Variants in UBE3A observed in about 807,000 individuals in gnomAD.
The protein encoded by UBE3A is ubiquitin-protein ligase E3A.
UBE3A carries 6 observed loss-of-function variants against 83.4 expected under a neutral mutation model. The ratio of observed to expected loss-of-function variants is 0.07; its 90% CI spans 0.04 to 0.14. The LOEUF is 0.14. Ranked by LOEUF, UBE3A falls within the 10% of genes least tolerant of loss-of-function variation. UBE3A has a pLI of 1.00. For missense variants in UBE3A, 456 were observed against 1,036.1 expected (o/e 0.44, Z 7.69); for synonymous variants, 337 against 355.4 (o/e 0.95, Z 0.58).
At chr15:25,376,541 T>C (rs1033879991) in intron 4 of UBE3A, among the ~76,000 whole-genome samples, 4 of 151,762 alleles carry the variant, frequency 2.6e-5, no homozygotes, top group Admixed American at 6.6e-5. Flanking sequence ...TCCCAGCTAC[T>C]TGGGAGGCTG....
At chr15:25,389,208 T>C (rs181538185) in intron 4 of UBE3A, among the ~76,000 whole-genome samples, 1 of 149,914 alleles carries the variant, frequency 6.7e-6, no homozygotes. Flanking sequence ...GGCAATACAA[T>C]GAAGAAAATA....
At chr15:25,428,632 A>G (rs1435557042) in intron 1 of UBE3A, among the ~76,000 whole-genome samples, 1 of 152,226 alleles carries the variant, frequency 6.6e-6, no homozygotes, top group African/African-American at 2.4e-5. Context: ...TATTTAAAAC[A>G]TACAGAAAAT....
At chr15:25,348,285 A>G (rs895273827) in intron 11 of UBE3A, among the ~76,000 whole-genome samples, 2 of 152,198 alleles carry the variant, frequency 1.3e-5, no homozygotes, top group Admixed American at 1.3e-4. Flanking sequence ...CAATTCAATG[A>G]AGGAAGAACA....
chr15:25,402,224 ATT>A (rs777375030), intron 4 of UBE3A, among the ~76,000 whole-genome samples: 5 of 152,294 alleles, frequency 3.3e-5, no homozygotes, highest in Middle Eastern at 3.4e-3. Flanking sequence ...CTGTCCAGAG[ATT>A]ATGCAGCCTG....
At chr15:25,361,675 AT>A (rs1566917770) in intron 6 of UBE3A, among the ~76,000 whole-genome samples, 1 of 152,176 alleles carries the variant, frequency 6.6e-6, no homozygotes, top group Admixed American at 6.5e-5. Context: ...TATCTAGTAC[AT>A]GGATGGATAC....
intron 1 of UBE3A, among the ~76,000 whole-genome samples, chr15:25,416,642 TAAA>T (rs34305718): frequency 0.033 from 3,614 of 109,284 alleles, 144 homozygotes; most frequent in African/African-American, 0.1. Context: ...TAAAACATTC[TAAA>T]AAAAAAAAAA....
chr15:25,409,397 G>A, intron 2 of UBE3A, 190 bp from the exon 3 acceptor site: 2 of 326,162 alleles, frequency 6.1e-6, no homozygotes, highest in Admixed American at 8.7e-5. Context: ...CTTCATTTGA[G>A]AAAATGTAAT....
chr15:25,354,736 A>G, intron 9 of UBE3A, 53 bp from the exon 10 acceptor site: 2 of 1,530,144 alleles, frequency 1.3e-6, no homozygotes, highest in Non-Finnish European at 1.8e-6. Flanking sequence ...TGCAAACAAA[A>G]CACAAGTTAT....
intron 5 of UBE3A, chr15:25,373,660 G>C (rs1177206392): frequency 1.3e-5 from 2 of 152,068 alleles, no homozygotes; most frequent in Non-Finnish European, 2.9e-5. Flanking sequence ...TGTATTTTTA[G>C]TAGAGAGGGG....
In UBE3A at chr15:25,371,202, C is replaced by G. The variant is rs1452732157; in HGVS notation, c.972G>C (p.Leu324=). 6.2e-7 allele frequency: 1 copy of G among 1,614,190 alleles called. No individual in the cohort carries two copies. The highest frequency in any genetic ancestry group is 1.7e-5 in the Admixed American group (1 of 60,020). Residue 324 remains leucine, a synonymous_variant, in exon 6 of 13, where the codon CTG becomes CTC. Transcript: ENST00000648336. The surrounding 1 kb of genome is among the most constrained non-coding windows in gnomAD (Gnocchi z 5.3). ...TCTGGTCTGCATTGTATTTAGACCA[C>G]AGTCTGATCAGTTTTCCTTGGGCTG... The part of the protein sequence containing the change: ...PLAAQGKLIR[L]WSKYNADQIR...
In UBE3A at chr15:25,362,232, T is replaced by C. The variant is rs191826328; in HGVS notation, c.1609-1705A>G. Among the ~76,000 whole-genome samples, 628 of 152,348 alleles carry C rather than the reference T, an allele frequency of 4.1e-3. 1 individual carries two copies. Among genetic ancestry groups the C allele is most frequent in the Admixed American group, 0.012 (178 of 15,306 alleles). ...ATTATCTTCTGGGTATCTTCAACTT[T>C]AGGGTCCTATTCTGTGAATTTAGTC... On this transcript the variant is annotated intron_variant, in intron 6 of 12. Coordinates refer to ENST00000648336, the MANE Select transcript of UBE3A (RefSeq NM_130839.5).
chr15:25,401,619 T>C (rs71463452), intron 4 of UBE3A, among the ~76,000 whole-genome samples: 1 of 152,220 alleles, frequency 6.6e-6, no homozygotes, highest in African/African-American at 2.4e-5. Context: ...TTATTTCTTG[T>C]ACTTCTCTGG....
intron 4 of UBE3A, among the ~76,000 whole-genome samples, chr15:25,378,328 C>T (rs2081572432): frequency 6.6e-5 from 10 of 152,100 alleles, no homozygotes; most frequent in Admixed American, 6.5e-4. Context: ...AAGTGTCATC[C>T]TTCTGTCCCT....
chr15:25,423,410 T>A (rs1210438280), intron 1 of UBE3A, among the ~76,000 whole-genome samples: 1 of 152,206 alleles, frequency 6.6e-6, no homozygotes, highest in Non-Finnish European at 1.5e-5. Context: ...CATGATCTAA[T>A]GGCCTGACAT....
At chr15:25,427,051 C>T (rs963698479) in intron 1 of UBE3A, among the ~76,000 whole-genome samples, 5 of 151,976 alleles carry the variant, frequency 3.3e-5, no homozygotes, top group African/African-American at 1.2e-4. Flanking sequence ...CTTATATTTC[C>T]GTTTGAGCTG....
chr15:25,343,276 T>G (rs1314106308), intron 11 of UBE3A, among the ~76,000 whole-genome samples: 2 of 152,074 alleles, frequency 1.3e-5, no homozygotes, highest in African/African-American at 4.8e-5. Context: ...AACTTTCCGG[T>G]AGACAAAAGT....
chr15:25,339,130 TTTTG>T lies in UBE3A; in HGVS notation c.*3_*6del. The T allele has an allele frequency of 6.5e-7, 1 of 1,543,374 alleles. No individual in the cohort carries two copies. Among genetic ancestry groups the T allele is most frequent in the Non-Finnish European group, 8.7e-7 (1 of 1,149,236 alleles). ...CTTTTTTTTGTTTTATTTTGTTTTG[TTTTG>T]TTTTACAGCATGCCAAATCCTTTGG... On this transcript the variant is annotated 3_prime_UTR_variant, in exon 13 of 13. Transcript: ENST00000648336.
chr15:25,346,906 C>T (rs559956911), intron 11 of UBE3A: 5 of 152,050 alleles, frequency 3.3e-5, no homozygotes, highest in African/African-American at 4.8e-5. Flanking sequence ...AAAAGAGTGA[C>T]GCTGAAAGAA....
intron 1 of UBE3A, among the ~76,000 whole-genome samples, chr15:25,437,291 T>C (rs894424279): frequency 6.6e-6 from 1 of 152,170 alleles, no homozygotes; most frequent in Non-Finnish European, 1.5e-5. Flanking sequence ...TTTTACATGA[T>C]TTACCAAATC....
Sources: allele counts gnomAD v4.1 joint callset (sites outside exome capture counted in the v4.1 genomes callset), GRCh38; gene constraint gnomAD v4.1.1; non-coding constraint Gnocchi (gnomAD v3.1); transcripts MANE v1.5; gene names NCBI Gene and HGNC (gene_info 2026-07-23, HGNC 2026-07-21).